Variants in PIP5K1C observed in about 807,000 individuals in gnomAD.
PIP5K1C encodes the protein phosphatidylinositol-4-phosphate 5-kinase type 1 gamma.
Under a neutral mutation model 80.1 loss-of-function variants are expected in PIP5K1C, and 45 were observed. The observed-to-expected ratio is 0.56, with a 90% CI of 0.44 to 0.72. PIP5K1C has a LOEUF of 0.72. Ranked by LOEUF, PIP5K1C falls within the 30% of genes least tolerant of loss-of-function variation. The pLI, the probability that PIP5K1C is intolerant of heterozygous loss-of-function variation, is 0.00. For missense variants in PIP5K1C, 753 were observed against 954.6 expected (o/e 0.79, Z 2.78); for synonymous variants, 498 against 420.1 (o/e 1.19, Z -2.27).
At position 3,649,870 on chromosome 19, in the gene PIP5K1C, C is replaced by G. The variant is rs564255332; in HGVS notation, c.1128-1162G>C. On this transcript the variant is annotated intron_variant, in intron 8 of 17. Coordinates refer to ENST00000335312, the MANE Select transcript of PIP5K1C (RefSeq NM_012398.3). ...TAACTGTCACCCGGCACCGTGCCCA[C>G]ACGTCCCCTGCCCAGCGCGGTTAGT... The G allele has an allele frequency of 1.5e-5, 4 of 275,072 alleles. No individual in the cohort carries two copies. In the Admixed American group the frequency reaches 2.1e-4, roughly 14 times the overall value. 17.0% of individuals were successfully genotyped at this position (275,072 alleles called of 1,614,324 possible).
At chr19:3,687,404 G>A (rs2035792490) in intron 1 of PIP5K1C, among the ~76,000 whole-genome samples, 2 of 151,834 alleles carry the variant, frequency 1.3e-5, no homozygotes, top group African/African-American at 4.8e-5. Flanking sequence ...TGTGCAATAA[G>A]GAATATGTCC....
At chr19:3,698,337 C>T (rs2036190524) in intron 1 of PIP5K1C, among the ~76,000 whole-genome samples, 1 of 152,252 alleles carries the variant, frequency 6.6e-6, no homozygotes, top group Non-Finnish European at 1.5e-5. Context: ...GAAGTGACGG[C>T]CACACAGCAC....
At position 3,643,512 on chromosome 19, in the gene PIP5K1C, C is replaced by T. The variant is rs984233963; in HGVS notation, c.1511-131G>A. On this transcript the variant is annotated intron_variant, in intron 12 of 17. Transcript: ENST00000335312. Reference sequence around the variant, plus strand: ...CCGCCCGCCTCCCAGACACTCCCACCTCCCCACACGGCAGGGAAGGACGAC... The same window carrying T: ...CCGCCCGCCTCCCAGACACTCCCACTTCCCCACACGGCAGGGAAGGACGAC... The T allele has an allele frequency of 6.7e-6, 7 of 1,043,436 alleles. No individual in the cohort carries two copies. The Admixed American group carries it at 8.1e-5, about 12-fold the overall frequency. 64.6% of individuals were successfully genotyped at this position (1,043,436 alleles called of 1,614,324 possible).
At chr19:3,653,827 C>A (rs2145449572) in intron 6 of PIP5K1C, among the ~76,000 whole-genome samples, 1 of 152,348 alleles carries the variant, frequency 6.6e-6, no homozygotes, top group South Asian at 2.1e-4. Flanking sequence ...CAGAGCCAGG[C>A]CCCAAGGCAG....
At chr19:3,650,736 G>A (rs969523172) in intron 8 of PIP5K1C, among the ~76,000 whole-genome samples, 3 of 152,184 alleles carry the variant, frequency 2.0e-5, no homozygotes, top group East Asian at 1.9e-4. Flanking sequence ...CTCCACCACC[G>A]TTCCTATCTT....
intron 7 of PIP5K1C, among the ~76,000 whole-genome samples, chr19:3,652,939 C>T (rs544749307): frequency 1.3e-5 from 2 of 152,274 alleles, no homozygotes; most frequent in African/African-American, 4.8e-5. Flanking sequence ...CAGACACTCC[C>T]GACCCCCAAG....
chr19:3,675,902 G>T (rs1408422758), intron 1 of PIP5K1C, among the ~76,000 whole-genome samples: 2 of 152,224 alleles, frequency 1.3e-5, no homozygotes, highest in Non-Finnish European at 2.9e-5. Context: ...CCCCAGGGGG[G>T]CAGGATGACC....
rs140344117 is a variant in PIP5K1C, at chr19:3,639,004, G to C, written c.1800C>G (p.Ser600=). 1.9e-6 allele frequency: 3 copies of C among 1,611,080 alleles called. No individual in the cohort carries two copies. In the African/African-American group the frequency reaches 4.0e-5, roughly 22 times the overall value. Residue 600 remains serine (S), a synonymous_variant, in exon 16 of 18, where the codon TCC becomes TCG. Coordinates refer to ENST00000335312, the MANE Select transcript of PIP5K1C (RefSeq NM_012398.3). ...PKEEDAGVEA[S]PAGASAAVEV... ...CAACAGCAGCAGAGGCACCGGCCGG[G>C]GAAGCCTCCACCCTGGGGACAGGAG...
Position 3,653,413 on chromosome 19 carries a change from C to A in PIP5K1C, c.798G>T (p.Lys266Asn). Residue 266 changes from lysine to asparagine, a missense_variant, in exon 7 of 18, where the codon AAG (lysine) becomes AAT (asparagine). Transcript: ENST00000335312. ...GSTYKRRASKKEKEKSFPTYK... is the reference protein window; with the variant it reads ...GSTYKRRASKNEKEKSFPTYK... The stretch of plus-strand genomic sequence containing the variant: ...AGGTGGGGAAGCTCTTCTCCTTCTC[C>A]TTCTTGCTGGCGCGCCGCTTGTAGG... 6.2e-7 allele frequency: 1 copy of A among 1,613,246 alleles called. No homozygotes were observed. Among genetic ancestry groups the A allele is most frequent in the Non-Finnish European group, 8.5e-7 (1 of 1,180,028 alleles).
At chr19:3,677,769 G>A (rs2035411100) in intron 1 of PIP5K1C, among the ~76,000 whole-genome samples, 2 of 95,090 alleles carry the variant, frequency 2.1e-5, no homozygotes, top group Admixed American at 9.7e-5. Flanking sequence ...GGAGGATGGA[G>A]GATGGAGGGA....
At position 3,648,368 on chromosome 19, in the gene PIP5K1C, A is replaced by C. The variant is rs1199009317; in HGVS notation, c.1211+257T>G. 3.9e-5 allele frequency among the ~76,000 whole-genome samples: 6 copies of C among 152,174 alleles called. No homozygotes were observed. The highest frequency in any genetic ancestry group is 8.8e-5 in the Non-Finnish European group (6 of 68,030). Reference sequence around the variant, plus strand: ...CCAAACACCTTCCCTTTAGGGCTCAAGAAGGGGCAGCCAAGCAAGAGCTTT... The same window carrying C: ...CCAAACACCTTCCCTTTAGGGCTCACGAAGGGGCAGCCAAGCAAGAGCTTT... On this transcript the variant is annotated intron_variant, in intron 9 of 17. Coordinates refer to ENST00000335312, the MANE Select transcript of PIP5K1C (RefSeq NM_012398.3). The surrounding 1 kb of genome is among the most constrained non-coding windows in gnomAD (Gnocchi z 4.3).
In PIP5K1C at chr19:3,646,071, TG is replaced by T. The variant is rs757800052; in HGVS notation, c.1261-14del. The T allele has an allele frequency of 7.5e-4, 981 of 1,301,584 alleles. No homozygotes were observed. Among genetic ancestry groups the T allele is most frequent in the Middle Eastern group, 1.2e-3 (6 of 5,050 alleles). The allele number at this position is 1,301,584 out of a possible 1,614,324, so 80.6% of individuals were successfully genotyped here. A position where few individuals can be genotyped will look rare whatever the true frequency, so the allele number is the denominator to read the frequency against. On this transcript the variant is annotated splice_polypyrimidine_tract_variant and intron_variant, in intron 10 of 17. Coordinates refer to ENST00000335312, the MANE Select transcript of PIP5K1C (RefSeq NM_012398.3). The stretch of plus-strand genomic sequence containing the variant: ...CGGACACCGTGTCCTGGAAGAGAGT[TG>T]GGGGGGGTGCCCGGGGGCAGAGGGT...
intron 9 of PIP5K1C, among the ~76,000 whole-genome samples, chr19:3,647,807 C>A (rs1171951885): frequency 6.6e-6 from 1 of 152,158 alleles, no homozygotes; most frequent in Non-Finnish European, 1.5e-5. Flanking sequence ...ATTAGCCGGG[C>A]GTGCTGGCGC....
chr19:3,676,041 T>G (rs1215685169), intron 1 of PIP5K1C, among the ~76,000 whole-genome samples: 1 of 152,216 alleles, frequency 6.6e-6, no homozygotes, highest in East Asian at 1.9e-4. Context: ...CCACCCAGCC[T>G]GACCAGGCAG....
intron 7 of PIP5K1C, among the ~76,000 whole-genome samples, chr19:3,652,520 G>A (rs1328685589): frequency 6.6e-6 from 1 of 152,186 alleles, no homozygotes; most frequent in African/African-American, 2.4e-5. Context: ...CGGGGCCTGG[G>A]TGGAGTTGGG....
intron 1 of PIP5K1C, among the ~76,000 whole-genome samples, chr19:3,689,565 C>G (rs1051510932): frequency 5.9e-5 from 9 of 152,132 alleles, no homozygotes. Flanking sequence ...AGCAGAATTG[C>G]TTGAAACCGG....
intron 1 of PIP5K1C, among the ~76,000 whole-genome samples, chr19:3,686,443 G>A (rs2035761927): frequency 6.6e-6 from 1 of 151,014 alleles, no homozygotes; most frequent in Admixed American, 6.6e-5. Context: ...TAAAGGCTGG[G>A]TGCAGTGGCT....
intron 1 of PIP5K1C, among the ~76,000 whole-genome samples, chr19:3,681,629 C>G (rs1003989470): frequency 2.0e-5 from 3 of 152,162 alleles, no homozygotes; most frequent in Admixed American, 6.5e-5. Flanking sequence ...GTCTCTGACC[C>G]TCTCAATGCT....
chr19:3,671,266 G>A (rs1394884349), intron 1 of PIP5K1C, among the ~76,000 whole-genome samples: 2 of 152,226 alleles, frequency 1.3e-5, no homozygotes, highest in Non-Finnish European at 1.5e-5. Flanking sequence ...ATGCTGAGAG[G>A]TCACAGCGCT....
Sources: allele counts gnomAD v4.1 joint callset (sites outside exome capture counted in the v4.1 genomes callset), GRCh38; gene constraint gnomAD v4.1.1; non-coding constraint Gnocchi (gnomAD v3.1); transcripts MANE v1.5; gene names NCBI Gene and HGNC (gene_info 2026-07-23, HGNC 2026-07-21).